NSMCE2: variants seen among roughly 807,000 people sequenced by gnomAD.
The protein encoded by NSMCE2 is NSE2 SUMO ligase component of SMC5/6 complex, also known as E3 SUMO-protein ligase NSE2.
A neutral mutation model predicts 23.8 loss-of-function variants in NSMCE2; 24 were observed. The ratio of observed to expected loss-of-function variants is 1.01; its 90% CI spans 0.73 to 1.42. The LOEUF is 1.42. Among genes scored for constraint, NSMCE2 ranks in the 40% most tolerant of loss-of-function variants. The pLI, the probability that NSMCE2 is intolerant of heterozygous loss-of-function variation, is 0.00. For synonymous variants in NSMCE2, 92 were observed against 94.1 expected (o/e 0.98, Z 0.13); for missense variants, 284 against 296.5 (o/e 0.96, Z 0.31).
chr8:125,140,943 A>G (rs1441639130), intron 3 of NSMCE2, among the ~76,000 whole-genome samples: 3 of 152,212 alleles, frequency 2.0e-5, no homozygotes, highest in Non-Finnish European at 4.4e-5. Flanking sequence ...TGTGGAAAAA[A>G]GATAAGTCAA....
chr8:125,330,275 G>A (rs542050407), intron 5 of NSMCE2, among the ~76,000 whole-genome samples: 34 of 148,010 alleles, frequency 2.3e-4, no homozygotes, highest in African/African-American at 5.2e-4. Context: ...CTCCCGGTTC[G>A]AGCGATTCTC....
At chr8:125,095,814 G>A (rs996144332) in intron 1 of NSMCE2, among the ~76,000 whole-genome samples, 4 of 147,458 alleles carry the variant, frequency 2.7e-5, no homozygotes, top group Admixed American at 1.4e-4. Flanking sequence ...CCTGGGAGGC[G>A]TAGGTTGCAG....
At chr8:125,183,663 A>G (rs999348913) in intron 5 of NSMCE2, among the ~76,000 whole-genome samples, 94 of 133,400 alleles carry the variant, frequency 7.0e-4, no homozygotes, top group Admixed American at 1.6e-3. Flanking sequence ...GTGTGTGTGT[A>G]TAGTATCTGG....
At chr8:125,147,978 T>C (rs1400144768) in intron 3 of NSMCE2, among the ~76,000 whole-genome samples, 1 of 152,198 alleles carries the variant, frequency 6.6e-6, no homozygotes, top group Non-Finnish European at 1.5e-5. Flanking sequence ...AGGTCTCTGG[T>C]CTCTCAGCCC....
At chr8:125,151,609 T>C (rs1238443107) in intron 4 of NSMCE2, among the ~76,000 whole-genome samples, 1 of 152,242 alleles carries the variant, frequency 6.6e-6, no homozygotes, top group Non-Finnish European at 1.5e-5. Flanking sequence ...TTCTATTTGC[T>C]TAAACATACA....
intron 4 of NSMCE2, among the ~76,000 whole-genome samples, chr8:125,154,093 T>C (rs1223895659): frequency 6.6e-6 from 1 of 152,172 alleles, no homozygotes; most frequent in African/African-American, 2.4e-5. Flanking sequence ...TTTAACCCAC[T>C]GCTCTGTCAT....
At chr8:125,250,677 A>C (rs750654292) in intron 5 of NSMCE2, among the ~76,000 whole-genome samples, 1 of 151,984 alleles carries the variant, frequency 6.6e-6, no homozygotes, top group Non-Finnish European at 1.5e-5. Context: ...AAGAGATGGA[A>C]TCTTGTTCTT....
chr8:125,178,241 C>G (rs1260144873), intron 4 of NSMCE2, among the ~76,000 whole-genome samples: 1 of 152,162 alleles, frequency 6.6e-6, no homozygotes, highest in East Asian at 1.9e-4. Context: ...AACCTGGCCT[C>G]CAGAGCTGTT....
chr8:125,233,127 A>G (rs911199897), intron 5 of NSMCE2, among the ~76,000 whole-genome samples: 1 of 152,182 alleles, frequency 6.6e-6, no homozygotes, highest in Non-Finnish European at 1.5e-5. Flanking sequence ...GCATGTTATC[A>G]TGTAATAGTG....
At chr8:125,355,796 C>G (rs1813244340) in intron 5 of NSMCE2, among the ~76,000 whole-genome samples, 1 of 148,480 alleles carries the variant, frequency 6.7e-6, no homozygotes, top group African/African-American at 2.5e-5. Context: ...ATGTGAGATA[C>G]TCCCATCATC....
intron 4 of NSMCE2, among the ~76,000 whole-genome samples, chr8:125,161,209 ATGG>A (rs1259246363): frequency 6.6e-6 from 1 of 152,140 alleles, no homozygotes; most frequent in Non-Finnish European, 1.5e-5. Flanking sequence ...GTTTCTGGTA[ATGG>A]TGGCACTTTC....
chr8:125,357,719 TGAA>T lies in NSMCE2; in HGVS notation c.532_534del (p.Lys178del). 2 of 1,611,830 alleles carry T rather than the reference TGAA, an allele frequency of 1.2e-6. No individual in the cohort carries two copies. The highest frequency in any genetic ancestry group is 1.7e-6 in the Non-Finnish European group (2 of 1,177,958). On this transcript the variant is annotated inframe_deletion, in exon 7 of 8. Coordinates refer to ENST00000287437, the MANE Select transcript of NSMCE2 (RefSeq NM_173685.4). ...ACATCTCCTTGATTACAGGAGGAAA[TGAA>T]GAAGCCAGTGAAAAATAAAGTGTGT...
At chr8:125,201,100 G>A (rs1352430900) in intron 5 of NSMCE2, among the ~76,000 whole-genome samples, 1 of 152,082 alleles carries the variant, frequency 6.6e-6, no homozygotes, top group African/African-American at 2.4e-5. Context: ...TAGCTTCCTT[G>A]TGATGGGTTA....
intron 4 of NSMCE2, among the ~76,000 whole-genome samples, chr8:125,168,009 A>T (rs1821983059): frequency 6.6e-6 from 1 of 152,196 alleles, no homozygotes; most frequent in African/African-American, 2.4e-5. Context: ...CTCCTTAATC[A>T]TACAGTTCGG....
chr8:125,092,184 C>A (rs944195363), intron 1 of NSMCE2, among the ~76,000 whole-genome samples: 1 of 152,112 alleles, frequency 6.6e-6, no homozygotes, highest in African/African-American at 2.4e-5. Context: ...AATTTTTGAT[C>A]CAAATAGATT....
chr8:125,313,736 T>C (rs573960471), intron 5 of NSMCE2, among the ~76,000 whole-genome samples: 7 of 152,270 alleles, frequency 4.6e-5, no homozygotes, highest in Admixed American at 3.3e-4. Flanking sequence ...GTGGACAAAG[T>C]GTGACACTGT....
chr8:125,145,500 A>G (rs920106562), intron 3 of NSMCE2, among the ~76,000 whole-genome samples: 1 of 152,140 alleles, frequency 6.6e-6, no homozygotes, highest in African/African-American at 2.4e-5. Flanking sequence ...ATACTTCTCC[A>G]TGTATTTATT....
chr8:125,135,902 A>G (rs1820044350), intron 3 of NSMCE2, among the ~76,000 whole-genome samples: 1 of 152,058 alleles, frequency 6.6e-6, no homozygotes, highest in African/African-American at 2.4e-5. Context: ...TTGCATTTCC[A>G]TGTGAATTTT....
intron 4 of NSMCE2, among the ~76,000 whole-genome samples, chr8:125,152,348 A>G (rs1821080875): frequency 6.6e-6 from 1 of 152,182 alleles, no homozygotes. Flanking sequence ...GAGGCTTTCA[A>G]TTTCAGCCGA....
Sources: gnomAD v4.1 joint callset for allele counts (sites outside exome capture counted in the v4.1 genomes callset) on GRCh38, gnomAD v4.1.1 for gene constraint, MANE v1.5 for transcripts, NCBI Gene and HGNC (gene_info 2026-07-23, HGNC 2026-07-21) for gene names.